The following GNG2 variants were observed in gnomAD, a reference collection of about 807,000 sequenced individuals.
GNG2 encodes guanine nucleotide-binding protein G(I)/G(S)/G(O) subunit gamma-2.
GNG2 carries 5 observed loss-of-function variants against 5.5 expected under a neutral mutation model. The observed-to-expected ratio is 0.91, with a 90% confidence interval of 0.48 to 1.92. The LOEUF is 1.92. Ranked by LOEUF, GNG2 falls within the 30% of genes most tolerant of loss-of-function variation. The pLI, the probability that GNG2 is intolerant of heterozygous loss-of-function variation, is 0.01. For missense variants in GNG2, 55 were observed against 88.4 expected, an observed-to-expected ratio of 0.62 and a Z score of 1.52; for synonymous variants, 28 against 32.0, an observed-to-expected ratio of 0.88 and a Z score of 0.42.
chr14:51,898,758 G>A (rs776749412), intron 2 of GNG2, among the ~76,000 whole-genome samples: 3 of 152,156 alleles, frequency 2.0e-5, no homozygotes, highest in Admixed American at 6.5e-5. Flanking sequence ...AGAGCTTCCC[G>A]GCCAACTGCT....
intron 2 of GNG2, among the ~76,000 whole-genome samples, chr14:51,888,301 G>A (rs766752559): frequency 2.1e-4 from 32 of 151,294 alleles, no homozygotes; most frequent in Non-Finnish European, 3.7e-4. Context: ...CTCAATTATC[G>A]TTTTGTTTGT....
intron 2 of GNG2, among the ~76,000 whole-genome samples, chr14:51,836,918 C>A (rs1425545229): frequency 2.1e-5 from 3 of 142,682 alleles, no homozygotes; most frequent in African/African-American, 7.8e-5. Context: ...AGTGCAGTGG[C>A]ATGATCTCGG....
intron 2 of GNG2, among the ~76,000 whole-genome samples, chr14:51,901,722 T>G (rs1953859): frequency 0.29 from 43,246 of 148,786 alleles, 6,969 homozygotes; most frequent in South Asian, 0.39. Context: ...GGTGGCAGTG[T>G]TTTGGAAGTG....
At chr14:51,912,709 C>G (rs1886365830) in intron 2 of GNG2, among the ~76,000 whole-genome samples, 1 of 152,190 alleles carries the variant, frequency 6.6e-6, no homozygotes. Context: ...ATGCTTTCTT[C>G]TAAGATGTCA....
intron 3 of GNG2, among the ~76,000 whole-genome samples, chr14:51,953,729 C>T (rs1050268627): frequency 6.6e-6 from 1 of 152,128 alleles, no homozygotes; most frequent in African/African-American, 2.4e-5. Flanking sequence ...TGTGTTGACA[C>T]GGTTGTCAGC....
chr14:51,966,878 A>G lies in GNG2; in HGVS notation c.*191A>G. ...TGCAAGCCGATCCACATCCTGACTTAAGAGATCTGATTCTGACGAACTGCC... is the reference window on the plus strand; with the variant it reads ...TGCAAGCCGATCCACATCCTGACTTGAGAGATCTGATTCTGACGAACTGCC... On this transcript the variant is annotated 3_prime_UTR_variant, in exon 4 of 4. Transcript: ENST00000556766. 4.4e-6 allele frequency: 2 copies of G among 449,768 alleles called. No homozygotes were observed. The highest frequency in any genetic ancestry group is 7.0e-5 in the South Asian group (2 of 28,382). The allele number at this position is 449,768 out of a possible 1,614,324, so 27.9% of individuals were successfully genotyped here.
intron 1 of GNG2, among the ~76,000 whole-genome samples, chr14:51,866,942 C>A: frequency 6.6e-6 from 1 of 152,248 alleles, no homozygotes; most frequent in East Asian, 1.9e-4. Flanking sequence ...CTTGGACTCT[C>A]TATCCCATTC....
rs180675331 is a variant in GNG2, at chr14:51,837,842, A to G, written c.64+10035A>G. Among the ~76,000 whole-genome samples, 233 of 152,314 alleles carry G rather than the reference A, an allele frequency of 1.5e-3. 3 individuals are homozygous for G. Among genetic ancestry groups the G allele is most frequent in the African/African-American group, 5.3e-3 (220 of 41,568 alleles). On this transcript the variant is annotated intron_variant, in intron 2 of 3. Transcript: ENST00000553432. Reference sequence around the variant, plus strand: ...ATTGGTTCATGTCCAGAGGGCAATAATAGTGTAACCTTGGAGTGATATTTC... The same window carrying G: ...ATTGGTTCATGTCCAGAGGGCAATAGTAGTGTAACCTTGGAGTGATATTTC...
At chr14:51,923,467 A>G (rs963871566) in intron 2 of GNG2, among the ~76,000 whole-genome samples, 1 of 151,964 alleles carries the variant, frequency 6.6e-6, no homozygotes, top group Non-Finnish European at 1.5e-5. Flanking sequence ...ACATGTTTAC[A>G]TTTTATATTC....
At chr14:51,889,273 C>T (rs974532185) in intron 2 of GNG2, among the ~76,000 whole-genome samples, 11 of 151,868 alleles carry the variant, frequency 7.2e-5, no homozygotes, top group Admixed American at 1.3e-4. Context: ...CCACCACGCC[C>T]GGCTAATTTT....
chr14:51,834,603 C>G (rs1028522212), intron 2 of GNG2, among the ~76,000 whole-genome samples: 1 of 152,172 alleles, frequency 6.6e-6, no homozygotes, highest in Non-Finnish European at 1.5e-5. Flanking sequence ...GCCACTGGGT[C>G]CTGGGTAAGG....
intron 2 of GNG2, among the ~76,000 whole-genome samples, chr14:51,923,458 CAT>C (rs1437855044): frequency 1.3e-5 from 2 of 151,520 alleles, no homozygotes; most frequent in African/African-American, 2.4e-5. Flanking sequence ...TATATATATA[CAT>C]GTTTACATTT....
At chr14:51,963,288 G>T (rs1471948204) in intron 3 of GNG2, among the ~76,000 whole-genome samples, 5 of 152,172 alleles carry the variant, frequency 3.3e-5, no homozygotes, top group Non-Finnish European at 5.9e-5. Context: ...AATTTTCCTA[G>T]TATAGTACTT....
chr14:51,858,101 T>C (rs1244061869), upstream of GNG2, among the ~76,000 whole-genome samples: 4 of 152,242 alleles, frequency 2.6e-5, no homozygotes, highest in African/African-American at 7.2e-5. Context: ...GGCTCATGGT[T>C]AGCAATTGAT....
chr14:51,854,467 T>A (rs1056850177), intron 2 of GNG2, among the ~76,000 whole-genome samples: 1 of 152,140 alleles, frequency 6.6e-6, no homozygotes, highest in South Asian at 2.1e-4. Flanking sequence ...ACTGTTGGTA[T>A]CCACAGCAAG....
intron 2 of GNG2, chr14:51,827,832 A>G: frequency 1.5e-6 from 1 of 671,608 alleles, no homozygotes; most frequent in Non-Finnish European, 2.7e-6. Context: ...ATGGTGATGG[A>G]AGGATACTGC....
chr14:51,870,979 G>C (rs1337916751), intron 1 of GNG2, among the ~76,000 whole-genome samples: 2 of 152,158 alleles, frequency 1.3e-5, no homozygotes, highest in Non-Finnish European at 1.5e-5. Context: ...TCTTAGATTT[G>C]CATTTTTAAA....
intron 2 of GNG2, among the ~76,000 whole-genome samples, chr14:51,911,545 CT>C (rs200362776): frequency 0.042 from 6,018 of 142,346 alleles, 211 homozygotes; most frequent in African/African-American, 0.096. Flanking sequence ...ATAATGATAG[CT>C]TTTTTTTTTT....
chr14:51,917,770 C>T (rs1229950081), intron 2 of GNG2, among the ~76,000 whole-genome samples: 1 of 152,098 alleles, frequency 6.6e-6, no homozygotes, highest in Non-Finnish European at 1.5e-5. Context: ...GTGGCTCACG[C>T]CTGTAATCCC....
Sources: allele counts gnomAD v4.1 joint callset (sites outside exome capture counted in the v4.1 genomes callset), GRCh38; gene constraint gnomAD v4.1.1; transcripts MANE v1.5; gene names NCBI Gene and HGNC (gene_info 2026-07-23, HGNC 2026-07-21).